MAPK10: variants seen among roughly 807,000 people sequenced by gnomAD.
The protein encoded by MAPK10 is JNK3 alpha protein kinase.
MAPK10 carries 25 observed loss-of-function variants against 59.3 expected under a neutral mutation model. The ratio of observed to expected loss-of-function variants is 0.42; its 90% CI spans 0.31 to 0.59. The LOEUF is 0.59. Among genes scored for constraint, MAPK10 ranks in the 20% least tolerant of loss-of-function variants. MAPK10 has a pLI of 0.15. For missense variants in MAPK10, 351 were observed against 568.9 expected (o/e 0.62, Z 3.90); for synonymous variants, 190 against 200.5 (o/e 0.95, Z 0.44).
At chr4:86,091,381 A>G (rs1183768167) in intron 9 of MAPK10, 2 of 151,696 alleles carry the variant, frequency 1.3e-5, no homozygotes, top group African/African-American at 2.4e-5. Flanking sequence ...ATTGACTCAC[A>G]TTGACTCTAT....
At chr4:86,021,954 C>T (rs1397958845) in intron 13 of MAPK10, among the ~76,000 whole-genome samples, 1 of 152,238 alleles carries the variant, frequency 6.6e-6, no homozygotes, top group Non-Finnish European at 1.5e-5. Flanking sequence ...GGCCCGCAAG[C>T]GCCGCACGCG....
At chr4:86,522,445 T>C (rs1033191182) in intron 1 of MAPK10, among the ~76,000 whole-genome samples, 2 of 152,194 alleles carry the variant, frequency 1.3e-5, no homozygotes, top group African/African-American at 4.8e-5. Context: ...GGCAGATAAA[T>C]TAAATGAGAT....
chr4:86,221,892 C>G (rs978638270), intron 2 of MAPK10, among the ~76,000 whole-genome samples: 3 of 152,062 alleles, frequency 2.0e-5, no homozygotes, highest in Non-Finnish European at 4.4e-5. Context: ...GGGTTAGCAC[C>G]ATCCCCTCAG....
intron 2 of MAPK10, among the ~76,000 whole-genome samples, chr4:86,290,274 T>C (rs1347480751): frequency 2.0e-5 from 3 of 152,192 alleles, no homozygotes; most frequent in South Asian, 2.1e-4. Context: ...AGCAGAGTGA[T>C]CTACTGTGAC....
intron 9 of MAPK10, among the ~76,000 whole-genome samples, chr4:86,072,014 C>A (rs549913675): frequency 2.3e-4 from 32 of 137,890 alleles, no homozygotes; most frequent in African/African-American, 8.4e-4. Flanking sequence ...TTGATTCTTC[C>A]TACCCATGAG....
chr4:86,493,438 G>C (rs775482194), intron 1 of MAPK10, among the ~76,000 whole-genome samples: 11 of 152,164 alleles, frequency 7.2e-5, no homozygotes, highest in Non-Finnish European at 1.5e-4. Context: ...AGTTATTCTA[G>C]ATCCTTTTCT....
intron 4 of MAPK10, among the ~76,000 whole-genome samples, chr4:86,157,588 G>A (rs1049303670): frequency 6.6e-6 from 1 of 151,868 alleles, no homozygotes; most frequent in Non-Finnish European, 1.5e-5. Flanking sequence ...GATTTCAGAA[G>A]CATGTCTGGG....
At chr4:86,136,443 T>A (rs1210923472) in intron 4 of MAPK10, among the ~76,000 whole-genome samples, 1 of 151,436 alleles carries the variant, frequency 6.6e-6, no homozygotes, top group Admixed American at 6.6e-5. Context: ...CTAAGCTTCA[T>A]AAGTGAAGGA....
At chr4:86,117,768 T>A (rs1390451924) in intron 4 of MAPK10, 1 of 152,234 alleles carries the variant, frequency 6.6e-6, no homozygotes, top group African/African-American at 2.4e-5. Context: ...CAATAATTCA[T>A]GTCATTCTCT....
At chr4:86,494,845 A>G in intron 1 of MAPK10, among the ~76,000 whole-genome samples, 1 of 65,662 alleles carries the variant, frequency 1.5e-5, no homozygotes, top group East Asian at 4.9e-4. Flanking sequence ...TCCGTCTCAA[A>G]AAAAAAAAAA....
chr4:86,136,429 C>T (rs1001154757), intron 4 of MAPK10, among the ~76,000 whole-genome samples: 2 of 151,702 alleles, frequency 1.3e-5, no homozygotes, highest in African/African-American at 4.9e-5. Context: ...CATATCCAGC[C>T]AAACTAAGCT....
intron 9 of MAPK10, among the ~76,000 whole-genome samples, chr4:86,079,038 A>G (rs941084414): frequency 1.3e-5 from 2 of 152,070 alleles, no homozygotes; most frequent in Non-Finnish European, 2.9e-5. Context: ...GGTATTTTTT[A>G]TTTGAAAATG....
chr4:86,586,422 T>A (rs1482271146), intron 1 of MAPK10, among the ~76,000 whole-genome samples: 1 of 152,216 alleles, frequency 6.6e-6, no homozygotes, highest in Non-Finnish European at 1.5e-5. Flanking sequence ...TCACTCATCA[T>A]CGAAACTGGC....
At chr4:86,304,387 C>CTTTTTTTTTTT (rs1162506350) in intron 2 of MAPK10, among the ~76,000 whole-genome samples, 1 of 112,562 alleles carries the variant, frequency 8.9e-6, no homozygotes, top group African/African-American at 3.8e-5. Context: ...TGGAGTATTT[C>CTTTTTTTTTTT]TTTTTTTTTT....
At chr4:86,359,288 C>CTCTCTCTCTCCCTGTGTGTG (rs796310826) in intron 1 of MAPK10, among the ~76,000 whole-genome samples, 1 of 94,608 alleles carries the variant, frequency 1.1e-5, no homozygotes, top group African/African-American at 5.3e-5. Context: ...CTCTCTCTCT[C>CTCTCTCTCTCCCTGTGTGTG]TGTGTGTGTG....
chr4:86,356,422 T>C, intron 1 of MAPK10: 1 of 538,612 alleles, frequency 1.9e-6, no homozygotes, highest in Non-Finnish European at 2.4e-6. Flanking sequence ...GTCTACTTTT[T>C]AAACCTAAAA....
chr4:86,388,566 G>A (rs1327592611), intron 1 of MAPK10, among the ~76,000 whole-genome samples: 2 of 152,134 alleles, frequency 1.3e-5, no homozygotes, highest in East Asian at 1.9e-4. Flanking sequence ...TCTGTAGCTT[G>A]CTGCTTCTAG....
intron 5 of MAPK10, among the ~76,000 whole-genome samples, chr4:86,104,227 G>A (rs993760314): frequency 3.9e-5 from 6 of 151,974 alleles, no homozygotes; most frequent in African/African-American, 9.7e-5. Context: ...TATGTCTCAC[G>A]TAGTTTTAAC....
chr4:86,224,329 G>T (rs1359703221), intron 2 of MAPK10, among the ~76,000 whole-genome samples: 1 of 152,164 alleles, frequency 6.6e-6, no homozygotes, highest in African/African-American at 2.4e-5. Context: ...ATGTTAATAT[G>T]TTATATGAAC....
Sources: allele counts gnomAD v4.1 joint callset (sites outside exome capture counted in the v4.1 genomes callset), GRCh38; gene constraint gnomAD v4.1.1; transcripts MANE v1.5; gene names NCBI Gene and HGNC (gene_info 2026-07-23, HGNC 2026-07-21).